SYT16: variants seen among roughly 807,000 people sequenced by gnomAD.
The protein encoded by SYT16 is synaptotagmin 16.
A neutral mutation model predicts 61.4 loss-of-function variants in SYT16; 42 were observed. The ratio of observed to expected loss-of-function variants is 0.68; its 90% CI spans 0.53 to 0.89. The LOEUF (loss-of-function observed/expected upper bound fraction) is 0.89, where lower values mean the gene tolerates loss of function less well. Ranked by LOEUF, SYT16 falls within the 40% of genes least tolerant of loss-of-function variation. The pLI, the probability that SYT16 is intolerant of heterozygous loss-of-function variation, is 0.00. For synonymous variants in SYT16, 314 were observed against 302.3 expected, an observed-to-expected ratio of 1.04 and a Z score of -0.40; for missense variants, 804 against 807.3, an observed-to-expected ratio of 1.00 and a Z score of 0.05.
At chr14:61,839,363 C>T (rs1464540449) in intron 1 of SYT16, among the ~76,000 whole-genome samples, 1 of 152,204 alleles carries the variant, frequency 6.6e-6, no homozygotes, top group Non-Finnish European at 1.5e-5. Flanking sequence ...GGAGACTTTT[C>T]AGCCTCCAGA....
intron 1 of SYT16, among the ~76,000 whole-genome samples, chr14:61,945,914 A>G (rs995888631): frequency 2.0e-5 from 3 of 149,524 alleles, no homozygotes; most frequent in Non-Finnish European, 4.5e-5. Context: ...CTGCAGGGAC[A>G]TGGATGAAAC....
In SYT16 at chr14:62,110,238, A is replaced by G. The variant is rs1427807770; in HGVS notation, c.*9531A>G. ...TCCACTAATGAGCTCTAAAATGAAT[A>G]TCAAGTCACAATTTTTTCAAGCCTT... On this transcript the variant is annotated 3_prime_UTR_variant, in exon 8 of 8. Transcript: ENST00000683842. The G allele has an allele frequency of 6.6e-6, 1 of 152,184 alleles. No homozygotes were observed. Among genetic ancestry groups the G allele is most frequent in the Non-Finnish European group, 1.5e-5 (1 of 68,010 alleles). 9.4% of individuals were successfully genotyped at this position (152,184 alleles called of 1,614,324 possible). A position where few individuals can be genotyped will look rare whatever the true frequency, so the allele number is the denominator to read the frequency against.
chr14:61,858,522 G>A (rs1319590545), intron 1 of SYT16, among the ~76,000 whole-genome samples: 1 of 152,100 alleles, frequency 6.6e-6, no homozygotes, highest in Non-Finnish European at 1.5e-5. Context: ...AAAAATAAAT[G>A]AGGTAGATAA....
chr14:62,011,904 CATATAT>C (rs368080979), intron 3 of SYT16, among the ~76,000 whole-genome samples: 2 of 90,214 alleles, frequency 2.2e-5, no homozygotes, highest in South Asian at 3.3e-4. Flanking sequence ...CACACACACA[CATATAT>C]ATACACACAC....
At chr14:61,914,659 A>T (rs2049052379) in intron 1 of SYT16, among the ~76,000 whole-genome samples, 1 of 152,142 alleles carries the variant, frequency 6.6e-6, no homozygotes, top group Non-Finnish European at 1.5e-5. Flanking sequence ...CTTTATATCC[A>T]GTCTATCTAT....
chr14:61,996,227 G>T lies in SYT16; in HGVS notation c.208G>T (p.Glu70Ter). ...IQIQETYFED[E>*]EQDNDWSQED... Reference sequence around the variant, plus strand: ...GATTCAGGAAACGTACTTTGAAGATGAAGAACAAGACAATGATTGGAGTCA... The same window carrying T: ...GATTCAGGAAACGTACTTTGAAGATTAAGAACAAGACAATGATTGGAGTCA... Residue 70 changes from glutamate (E) to a stop codon, truncating the protein, a stop_gained, in exon 3 of 8, where the codon GAA becomes TAA. Transcript: ENST00000683842. LOFTEE classifies it high-confidence loss of function. 1 of 1,613,588 alleles carries T rather than the reference G, an allele frequency of 6.2e-7. No individual in the cohort carries two copies. The highest frequency in any genetic ancestry group is 1.1e-5 in the South Asian group (1 of 91,072).
chr14:62,004,337 A>G (rs1282227143), intron 3 of SYT16, among the ~76,000 whole-genome samples: 2 of 152,104 alleles, frequency 1.3e-5, no homozygotes, highest in Non-Finnish European at 2.9e-5. Context: ...CCTCATTATC[A>G]TGAGAACAGC....
chr14:62,060,938 C>T (rs960161529), intron 3 of SYT16, among the ~76,000 whole-genome samples: 1 of 151,926 alleles, frequency 6.6e-6, no homozygotes, highest in Non-Finnish European at 1.5e-5. Context: ...CCCAAAACTG[C>T]AGAACACTCT....
intron 3 of SYT16, among the ~76,000 whole-genome samples, chr14:62,064,074 G>A (rs2055948523): frequency 6.6e-6 from 1 of 151,998 alleles, no homozygotes; most frequent in African/African-American, 2.4e-5. Context: ...TGGATGAAGA[G>A]GTAAAGATTT....
At chr14:62,048,029 T>G (rs1425435135) in intron 3 of SYT16, among the ~76,000 whole-genome samples, 3 of 152,242 alleles carry the variant, frequency 2.0e-5, no homozygotes, top group African/African-American at 7.2e-5. Context: ...TTCTATTGAT[T>G]GGAATAGTTT....
At chr14:62,058,096 A>T (rs2055647429) in intron 3 of SYT16, among the ~76,000 whole-genome samples, 1 of 152,174 alleles carries the variant, frequency 6.6e-6, no homozygotes. Flanking sequence ...GTGTTGTTGC[A>T]GGTATAAATA....
intron 1 of SYT16, among the ~76,000 whole-genome samples, chr14:61,906,137 C>G (rs1443531723): frequency 6.6e-6 from 1 of 152,162 alleles, no homozygotes; most frequent in Admixed American, 6.5e-5. Flanking sequence ...AGAAGTAAAA[C>G]ACTTTCTTTA....
In SYT16 at chr14:61,996,558, A is replaced by G; in HGVS notation, c.523+16A>G. On this transcript the variant is annotated intron_variant, in intron 3 of 7. Transcript: ENST00000683842. ...AAAAAGCAAGGTAAGCTAGCCAGTC[A>G]TCATTTTCTCTGCGTTCCTCCAAAG... 5 of 1,570,648 alleles carry G rather than the reference A, an allele frequency of 3.2e-6. No individual in the cohort carries two copies. The highest frequency in any genetic ancestry group is 2.3e-5 in the East Asian group (1 of 44,414).
intron 1 of SYT16, among the ~76,000 whole-genome samples, chr14:61,821,127 G>A (rs144405889): frequency 7.8e-4 from 118 of 150,768 alleles, no homozygotes; most frequent in African/African-American, 2.4e-3. Context: ...GCCCTCAGCC[G>A]CTGGGCTGCC....
chr14:61,880,076 G>T (rs1327964601), intron 1 of SYT16, among the ~76,000 whole-genome samples: 1 of 152,218 alleles, frequency 6.6e-6, no homozygotes, highest in Non-Finnish European at 1.5e-5. Context: ...TCTGTCTGCA[G>T]ATGAAATGTC....
intron 3 of SYT16, among the ~76,000 whole-genome samples, chr14:62,066,382 G>A (rs1954483): frequency 0.24 from 36,677 of 152,030 alleles, 4,550 homozygotes; most frequent in Middle Eastern, 0.29. Flanking sequence ...CTCTGCCTCA[G>A]TTTTCTTGGA....
chr14:62,009,139 G>A (rs183971231), intron 3 of SYT16, among the ~76,000 whole-genome samples: 72 of 152,214 alleles, frequency 4.7e-4, no homozygotes, highest in Admixed American at 8.5e-4. Flanking sequence ...TGAACTTAAG[G>A]CATTAAAAGA....
At chr14:61,949,859 G>A (rs963105398) in intron 1 of SYT16, among the ~76,000 whole-genome samples, 14 of 152,160 alleles carry the variant, frequency 9.2e-5, no homozygotes, top group African/African-American at 3.1e-4. Context: ...CACTTTTCTG[G>A]TGAAAGTTCA....
rs370303691 is a variant in SYT16, at chr14:62,054,601, A to T, written c.524-15002A>T. On this transcript the variant is annotated intron_variant, in intron 3 of 7. Coordinates refer to ENST00000683842, the MANE Select transcript of SYT16 (RefSeq NM_001367656.1). ...GGTTTCAAACTCCTGGACTCAGGTG[A>T]TGTGCCTGCCTTGGCCTCCCAAAGT... Among the ~76,000 whole-genome samples, 46 of 151,066 alleles carry T rather than the reference A, an allele frequency of 3.0e-4. 1 individual carries two copies. Among genetic ancestry groups the T allele is most frequent in the East Asian group, 2.7e-3 (14 of 5,096 alleles).
Sources: allele counts gnomAD v4.1 joint callset (sites outside exome capture counted in the v4.1 genomes callset), GRCh38; gene constraint gnomAD v4.1.1; transcripts MANE v1.5; gene names NCBI Gene and HGNC (gene_info 2026-07-23, HGNC 2026-07-21).